The following NEMP2 variants were observed in gnomAD, a reference collection of about 807,000 sequenced individuals.
NEMP2 encodes nuclear envelope integral membrane protein 2.
NEMP2 carries 53 observed loss-of-function variants against 54.2 expected under a neutral mutation model. That is an observed-to-expected ratio of 0.98 (90% CI 0.78 to 1.23). NEMP2 has a LOEUF of 1.23. Among genes scored for constraint, NEMP2 ranks in the 50% most tolerant of loss-of-function variants. The pLI is 0.00. For synonymous variants in NEMP2, 197 were observed against 190.3 expected, an observed-to-expected ratio of 1.04 and a Z score of -0.29; for missense variants, 455 against 511.3, an observed-to-expected ratio of 0.89 and a Z score of 1.06.
rs1690315630 is a variant in NEMP2, at chr2:190,510,389, C to T, written c.1102G>A (p.Val368Ile). ...CRKPDFPSWL[V>I]VSRLHTPSKF... ...CTAGGAGTGTGGAGTCTGGAGACGA[C>T]CAGCCATGAGGGAAAGTCGGGTTTT... is the stretch of plus-strand genomic sequence containing the variant. The change falls in exon 8 of 9, where the codon GTC becomes ATC. Residue 368 changes from valine (V) to isoleucine (I), a missense_variant. Around this residue, in one of 3 missense-constraint regions of NEMP2, gnomAD observed 294 missense variants for 333.6 expected, o/e 0.88. Coordinates refer to ENST00000409150, the MANE Select transcript of NEMP2 (RefSeq NM_001142645.2). The surrounding 1 kb of genome is among the most constrained non-coding windows in gnomAD (Gnocchi z 5.7). The T allele has an allele frequency of 6.4e-7, 1 of 1,551,580 alleles. No homozygotes were observed. Among genetic ancestry groups the T allele is most frequent in the Non-Finnish European group, 8.7e-7 (1 of 1,147,006 alleles).
At chr2:190,498,857 A>AT in the NEMP2 span, among the ~76,000 whole-genome samples, 1 of 152,046 alleles carries the variant, frequency 6.6e-6, no homozygotes, top group Non-Finnish European at 1.5e-5. This position sits in a 1 kb window ranked among gnomAD's most constrained non-coding sequence, Gnocchi z 5.9. Flanking sequence ...GGATTAATAA[A>AT]TTTTTTTCTG....
At chr2:190,618,735 A>G in the NEMP2 span, among the ~76,000 whole-genome samples, 1 of 152,128 alleles carries the variant, frequency 6.6e-6, no homozygotes, top group Non-Finnish European at 1.5e-5. Context: ...ACGTTTCACC[A>G]AGCCCAAGTA....
At chr2:190,436,410 CT>C in the NEMP2 span, 1 of 1,614,166 alleles carries the variant, frequency 6.2e-7, no homozygotes, top group Non-Finnish European at 8.5e-7. The surrounding 1 kb of genome is among the most constrained non-coding windows in gnomAD (Gnocchi z 5.3). Context: ...TTGCAGACCG[CT>C]TTAAAAAAGG....
the NEMP2 span, among the ~76,000 whole-genome samples, chr2:190,446,382 T>A: frequency 6.6e-6 from 1 of 152,238 alleles, no homozygotes; most frequent in Admixed American, 6.5e-5. Context: ...CAGAGTGTTC[T>A]GTCCGACAGA....
the NEMP2 span, among the ~76,000 whole-genome samples, chr2:190,648,678 G>A: frequency 1.3e-5 from 2 of 151,646 alleles, no homozygotes; most frequent in Non-Finnish European, 2.9e-5. Flanking sequence ...GCCGGAGGCG[G>A]CGTTCCCCAC....
chr2:190,509,016 G>T lies in NEMP2; in HGVS notation c.*173C>A. 1.0e-6 allele frequency: 1 copy of T among 989,756 alleles called. No individual in the cohort carries two copies. The highest frequency in any genetic ancestry group is 1.4e-6 in the Non-Finnish European group (1 of 696,668). 61.3% of individuals were successfully genotyped at this position (989,756 alleles called of 1,614,324 possible). A position where few individuals can be genotyped will look rare whatever the true frequency, so the allele number is the denominator to read the frequency against. On this transcript the variant is annotated 3_prime_UTR_variant, in exon 9 of 9. Transcript: ENST00000409150. The surrounding 1 kb of genome is among the most constrained non-coding windows in gnomAD (Gnocchi z 6.1). ...TACAATAAGTAGCAGAAGTCACCAA[G>T]AATGCTAAGTTATCTTCAAAATGGG... is the stretch of plus-strand genomic sequence containing the variant.
the NEMP2 span, among the ~76,000 whole-genome samples, chr2:190,563,773 A>G: frequency 1.3e-5 from 2 of 152,338 alleles, no homozygotes; most frequent in South Asian, 2.1e-4. The surrounding 1 kb of genome is among the most constrained non-coding windows in gnomAD (Gnocchi z 4.3). Context: ...GCTGGAATCA[A>G]TAGGCTGCCT....
chr2:190,578,819 A>G, the NEMP2 span, among the ~76,000 whole-genome samples: 4 of 152,170 alleles, frequency 2.6e-5, no homozygotes, highest in East Asian at 7.7e-4. The surrounding 1 kb of genome is among the most constrained non-coding windows in gnomAD (Gnocchi z 4.4). Flanking sequence ...ATGGAGTGCC[A>G]GGAACACCCA....
At chr2:190,426,926 T>C in the NEMP2 span, among the ~76,000 whole-genome samples, 28 of 152,296 alleles carry the variant, frequency 1.8e-4, no homozygotes, top group African/African-American at 6.7e-4. The surrounding 1 kb of genome is among the most constrained non-coding windows in gnomAD (Gnocchi z 4.7). Context: ...CAGCTGGAGG[T>C]AGAAGTCCAA....
the NEMP2 span, among the ~76,000 whole-genome samples, chr2:190,590,230 G>A: frequency 1.3e-5 from 2 of 152,158 alleles, no homozygotes; most frequent in Admixed American, 6.5e-5. The surrounding 1 kb of genome is among the most constrained non-coding windows in gnomAD (Gnocchi z 5.1). Flanking sequence ...TCCCTCTCAC[G>A]ACAGTCCATG....
At chr2:190,579,378 T>C in the NEMP2 span, among the ~76,000 whole-genome samples, 3 of 136,196 alleles carry the variant, frequency 2.2e-5, no homozygotes, top group African/African-American at 7.8e-5. Context: ...ATGTGATATG[T>C]GTCATATTAT....
chr2:190,471,661 C>G, the NEMP2 span, among the ~76,000 whole-genome samples: 5 of 152,222 alleles, frequency 3.3e-5, no homozygotes, highest in Non-Finnish European at 4.4e-5. The surrounding 1 kb of genome is among the most constrained non-coding windows in gnomAD (Gnocchi z 4.7). Flanking sequence ...AACTCCACCT[C>G]TGGGGGCAGA....
At chr2:190,628,668 G>A in the NEMP2 span, 1 of 152,340 alleles carries the variant, frequency 6.6e-6, no homozygotes, top group Non-Finnish European at 1.5e-5. This position sits in a 1 kb window ranked among gnomAD's most constrained non-coding sequence, Gnocchi z 4.1. Flanking sequence ...GGGATGGGCA[G>A]TGTTTGGGGC....
downstream of NEMP2, chr2:190,501,432 C>T (rs953398423): frequency 1.3e-5 from 2 of 152,112 alleles, no homozygotes; most frequent in African/African-American, 4.8e-5. Flanking sequence ...CTGGGTGGAT[C>T]GCACGTAAAG....
rs1286275271 is a variant in NEMP2, at chr2:190,514,846, C to T, written c.728-168G>A. Among the ~76,000 whole-genome samples the T allele has an allele frequency of 6.6e-6, 1 of 152,054 alleles. No homozygotes were observed. Among genetic ancestry groups the T allele is most frequent in the African/African-American group, 2.4e-5 (1 of 41,398 alleles). ...AATGCACATAGGGTGTTATTCCTTC[C>T]ATATGAGATACTAGGCTGACTTTCG... On this transcript the variant is annotated intron_variant, in intron 6 of 8. Coordinates refer to ENST00000409150, the MANE Select transcript of NEMP2 (RefSeq NM_001142645.2). The surrounding 1 kb of genome is among the most constrained non-coding windows in gnomAD (Gnocchi z 5.7).
chr2:190,521,948 C>G lies in NEMP2; in HGVS notation c.214-2765G>C, dbSNP rs1049875630. 2.0e-5 allele frequency among the ~76,000 whole-genome samples: 3 copies of G among 152,100 alleles called. No individual in the cohort carries two copies. The highest frequency in any genetic ancestry group is 7.2e-5 in the African/African-American group (3 of 41,408). On this transcript the variant is annotated intron_variant, in intron 2 of 8. Coordinates refer to ENST00000409150, the MANE Select transcript of NEMP2 (RefSeq NM_001142645.2). This position sits in a 1 kb window ranked among gnomAD's most constrained non-coding sequence, Gnocchi z 6.2. ...CTCTTCTCTTCTCCATCTAAACTCA[C>G]TCAGTTTCATGGCTTTAGGCACCAT...
chr2:190,428,182 G>A, the NEMP2 span, among the ~76,000 whole-genome samples: 1 of 152,100 alleles, frequency 6.6e-6, no homozygotes, highest in African/African-American at 2.4e-5. Flanking sequence ...TGTAGTTGTA[G>A]TTTGTTCATT....
the NEMP2 span, among the ~76,000 whole-genome samples, chr2:190,614,002 A>C: frequency 2.6e-5 from 3 of 115,486 alleles, no homozygotes; most frequent in Non-Finnish European, 6.5e-5. The surrounding 1 kb of genome is among the most constrained non-coding windows in gnomAD (Gnocchi z 5.7). Flanking sequence ...GAAGTATTTA[A>C]GCACTTTTAT....
chr2:190,492,900 G>A, the NEMP2 span, among the ~76,000 whole-genome samples: 10 of 151,466 alleles, frequency 6.6e-5, no homozygotes, highest in Admixed American at 5.9e-4. This position sits in a 1 kb window ranked among gnomAD's most constrained non-coding sequence, Gnocchi z 5.2. Context: ...AACAAATCCT[G>A]GAAACACATC....
Sources: allele counts gnomAD v4.1 joint callset (sites outside exome capture counted in the v4.1 genomes callset), GRCh38; gene constraint gnomAD v4.1.1; regional missense constraint gnomAD v4.1.1; non-coding constraint Gnocchi (gnomAD v3.1); transcripts MANE v1.5; gene names NCBI Gene and HGNC (gene_info 2026-07-23, HGNC 2026-07-21).